The following MAPKBP1 variants were observed in gnomAD, a reference collection of about 807,000 sequenced individuals.
The protein encoded by MAPKBP1 is mitogen-activated protein kinase binding protein 1.
A neutral mutation model predicts 170.5 loss-of-function variants in MAPKBP1; 71 were observed. The observed-to-expected ratio is 0.42, with a 90% confidence interval of 0.34 to 0.51. MAPKBP1 has a LOEUF of 0.51. MAPKBP1 is among the 20% of genes least tolerant of loss of function. MAPKBP1 has a pLI of 0.06. For synonymous variants in MAPKBP1, 719 were observed against 757.9 expected (o/e 0.95, Z 0.84); for missense variants, 1,598 against 1,933.0 (o/e 0.83, Z 3.25).
At chr15:41,777,472 C>T (rs1429203317) in intron 2 of MAPKBP1, among the ~76,000 whole-genome samples, 1 of 152,108 alleles carries the variant, frequency 6.6e-6, no homozygotes, top group Non-Finnish European at 1.5e-5. Context: ...TTTACCATTC[C>T]CTGTTTAAAA....
intron 2 of MAPKBP1, among the ~76,000 whole-genome samples, chr15:41,784,838 C>T (rs1382232135): frequency 7.2e-6 from 1 of 138,200 alleles, no homozygotes; most frequent in African/African-American, 2.7e-5. Flanking sequence ...GCGAGCAGAT[C>T]GTTTGAGTCC....
At chr15:41,812,202 C>A in intron 6 of MAPKBP1, 75 bp downstream of exon 6, 1 of 1,557,868 alleles carries the variant, frequency 6.4e-7, no homozygotes, top group Non-Finnish European at 8.8e-7. Flanking sequence ...AGACTGCTGA[C>A]CTGCACTGCT....
Position 41,797,471 on chromosome 15 carries a change from G to C in MAPKBP1, c.115-2352G>C, listed in dbSNP as rs79506183. On this transcript the variant is annotated intron_variant, in intron 2 of 30. Coordinates refer to ENST00000457542, the MANE Select transcript of MAPKBP1 (RefSeq NM_014994.3). The stretch of plus-strand genomic sequence containing the variant: ...ATGTCCCTAAATATCCCCTCCTCTG[G>C]GAGAGTTGAAGGTTCAGTGCCAGGA... Among the ~76,000 whole-genome samples, 284 of 152,210 alleles carry C rather than the reference G, an allele frequency of 1.9e-3. 1 individual carries two copies. The Middle Eastern group carries it at 0.02, about 11-fold the overall frequency.
intron 30 of MAPKBP1, 67 bp downstream of exon 30, chr15:41,824,636 A>C: frequency 7.0e-7 from 1 of 1,431,772 alleles, no homozygotes; most frequent in Non-Finnish European, 9.5e-7. Flanking sequence ...TCGGATAACC[A>C]TGTCCAGAAC....
intron 3 of MAPKBP1, among the ~76,000 whole-genome samples, chr15:41,803,275 G>A (rs532761275): frequency 2.0e-5 from 3 of 151,904 alleles, no homozygotes; most frequent in Non-Finnish European, 4.4e-5. Flanking sequence ...TTAGCCTGGC[G>A]TGATGGCGGG....
chr15:41,821,498 C>A, intron 23 of MAPKBP1, 86 bp from the exon 24 acceptor site: 1 of 1,310,554 alleles, frequency 7.6e-7, no homozygotes, highest in East Asian at 2.3e-5. Flanking sequence ...GAGGGTTGGC[C>A]CCCAGGATAC....
intron 2 of MAPKBP1, among the ~76,000 whole-genome samples, chr15:41,798,667 C>A (rs1041365732): frequency 6.6e-6 from 1 of 152,112 alleles, no homozygotes; most frequent in African/African-American, 2.4e-5. Context: ...TTCTGAGCCT[C>A]CCCTCTCTAG....
chr15:41,778,399 T>A (rs1308997867), intron 2 of MAPKBP1, among the ~76,000 whole-genome samples: 1 of 152,182 alleles, frequency 6.6e-6, no homozygotes, highest in African/African-American at 2.4e-5. Context: ...AGTAAAGGGT[T>A]CTTAATTCAG....
At chr15:41,819,013 C>G in intron 20 of MAPKBP1, 56 bp downstream of exon 20, 1 of 1,600,044 alleles carries the variant, frequency 6.2e-7, no homozygotes, top group Non-Finnish European at 8.5e-7. Flanking sequence ...TTGCTGGGAC[C>G]TCACTGCACT....
In MAPKBP1 at chr15:41,822,213, C is replaced by G; in HGVS notation, c.3032-12C>G. The stretch of plus-strand genomic sequence containing the variant: ...GTGCAGTGCGATGCCTCTCTCCCCT[C>G]CCCACACCCAGACTCTGAGAGCACG... On this transcript the variant is annotated splice_polypyrimidine_tract_variant and intron_variant, in intron 25 of 30. Transcript: ENST00000457542. 2 of 1,609,634 alleles carry G rather than the reference C, an allele frequency of 1.2e-6. No individual in the cohort carries two copies. Among genetic ancestry groups the G allele is most frequent in the Non-Finnish European group, 1.7e-6 (2 of 1,177,078 alleles).
intron 2 of MAPKBP1, among the ~76,000 whole-genome samples, chr15:41,788,870 T>C (rs2064345250): frequency 6.6e-6 from 1 of 151,822 alleles, no homozygotes. Context: ...CGCTGATGGG[T>C]TGGAGGAGGG....
chr15:41,777,597 C>G (rs2064119435), intron 2 of MAPKBP1, among the ~76,000 whole-genome samples: 1 of 152,198 alleles, frequency 6.6e-6, no homozygotes, highest in South Asian at 2.1e-4. Flanking sequence ...AGCAAAATGA[C>G]TGGTGCATAT....
intron 2 of MAPKBP1, among the ~76,000 whole-genome samples, chr15:41,796,990 G>C (rs2064502211): frequency 6.6e-6 from 1 of 152,162 alleles, no homozygotes; most frequent in Non-Finnish European, 1.5e-5. Flanking sequence ...GAAACTTTCA[G>C]TTTTATGCAT....
intron 2 of MAPKBP1, among the ~76,000 whole-genome samples, chr15:41,793,508 A>G (rs980870793): frequency 1.3e-5 from 2 of 152,226 alleles, no homozygotes; most frequent in Admixed American, 1.3e-4. Context: ...GAATGTTAAT[A>G]TGTAATGGGT....
chr15:41,788,716 G>A (rs1430905300), intron 2 of MAPKBP1, among the ~76,000 whole-genome samples: 1 of 152,150 alleles, frequency 6.6e-6, no homozygotes, highest in African/African-American at 2.4e-5. Flanking sequence ...GTGAGTAGTA[G>A]GAAATAGAAT....
At position 41,804,079 on chromosome 15, in the gene MAPKBP1, A is replaced by T. The variant is rs11855024; in HGVS notation, c.206+4165A>T. ...GGTCTCAAACTCCCGACCTTAGGTG[A>T]TCTGCCCACATTGGCCTCCCAAAGT... On this transcript the variant is annotated intron_variant, in intron 3 of 30. Coordinates refer to ENST00000457542, the MANE Select transcript of MAPKBP1 (RefSeq NM_014994.3). Among the ~76,000 whole-genome samples the T allele has an allele frequency of 3.4e-3, 525 of 152,316 alleles. 1 individual carries two copies. The highest frequency in any genetic ancestry group is 5.2e-3 in the Non-Finnish European group (356 of 68,036).
intron 2 of MAPKBP1, among the ~76,000 whole-genome samples, chr15:41,791,485 T>C (rs916607014): frequency 1.3e-5 from 2 of 152,216 alleles, no homozygotes; most frequent in African/African-American, 4.8e-5. Context: ...ACAGTGCCAC[T>C]GTCTTGGCTC....
chr15:41,774,850 C>T (rs2064069652), intron 1 of MAPKBP1: 1 of 413,078 alleles, frequency 2.4e-6, no homozygotes, highest in Non-Finnish European at 4.3e-6. Context: ...GCGGCCTCCT[C>T]CCTTGGACAC....
chr15:41,823,178 C>G lies in MAPKBP1; in HGVS notation c.3554C>G (p.Ser1185Cys), dbSNP rs753444884. ...AGAGTGGCCACAGCCAGCCCCTTTT[C>G]TGGACTCCAGAAGGCCCAGTCTGTG... is the stretch of plus-strand genomic sequence containing the variant. ...PKRVATASPFSGLQKAQSVHS... is the reference protein window; with the variant it reads ...PKRVATASPFCGLQKAQSVHS... Residue 1185 changes from serine (S) to cysteine (C), a missense_variant, in exon 28 of 31, where the codon TCT becomes TGT. By Grantham distance (112) the Ser-to-Cys change is moderately radical (BLOSUM62 -1). This residue lies in a region of MAPKBP1 where 942 missense variants were observed against 953.2 expected (regional missense o/e 0.99). Coordinates refer to ENST00000457542, the MANE Select transcript of MAPKBP1 (RefSeq NM_014994.3). The G allele has an allele frequency of 2.5e-6, 4 of 1,613,708 alleles. No individual in the cohort carries two copies. Among genetic ancestry groups the G allele is most frequent in the South Asian group, 1.1e-5 (1 of 91,084 alleles).
Sources: allele counts gnomAD v4.1 joint callset (sites outside exome capture counted in the v4.1 genomes callset), GRCh38; gene constraint gnomAD v4.1.1; regional missense constraint gnomAD v4.1.1; transcripts MANE v1.5; gene names NCBI Gene and HGNC (gene_info 2026-07-23, HGNC 2026-07-21).